Variants in TENM2 observed in about 807,000 individuals in gnomAD.
TENM2 encodes the protein teneurin transmembrane protein 2.
A neutral mutation model predicts 245.2 loss-of-function variants in TENM2; 52 were observed. The ratio of observed to expected loss-of-function variants is 0.21; its 90% confidence interval spans 0.17 to 0.27. TENM2 has a LOEUF of 0.27. TENM2 is among the 10% of genes least tolerant of loss of function. The probability of loss-of-function intolerance (pLI) is 1.00; values close to 1 mark genes in which losing one functional copy is unlikely to be tolerated. For missense variants in TENM2, 3,046 were observed against 3,666.8 expected, an observed-to-expected ratio of 0.83 and a Z score of 4.37; for synonymous variants, 1,363 against 1,438.9, an observed-to-expected ratio of 0.95 and a Z score of 1.19.
In TENM2 at chr5:168,077,297, A is replaced by G. The variant is rs779979974; in HGVS notation, c.1516-13277A>G. The stretch of plus-strand genomic sequence containing the variant: ...CTTGTAGGTATACCCCTCACTCTAG[A>G]TATTATTTCCTTTTGGCCTAAATCT... On this transcript the variant is annotated intron_variant, in intron 7 of 28. Coordinates refer to ENST00000518659, the Ensembl canonical transcript of TENM2. 3.9e-5 allele frequency among the ~76,000 whole-genome samples: 6 copies of G among 152,190 alleles called. 1 individual carries two copies. The highest frequency in any genetic ancestry group is 5.9e-5 in the Non-Finnish European group (4 of 68,016).
At chr5:167,821,996 G>A (rs951367071) in intron 2 of TENM2, among the ~76,000 whole-genome samples, 2 of 152,078 alleles carry the variant, frequency 1.3e-5, no homozygotes, top group Non-Finnish European at 1.5e-5. Flanking sequence ...GGATAAAGGC[G>A]AAACAGGGTT....
the TENM2 span, among the ~76,000 whole-genome samples, chr5:167,094,095 T>G: frequency 6.6e-6 from 1 of 152,246 alleles, no homozygotes; most frequent in African/African-American, 2.4e-5. Context: ...TTACAAAAAT[T>G]AAAATGCTGC....
At chr5:167,038,405 A>G in the TENM2 span, among the ~76,000 whole-genome samples, 31 of 152,314 alleles carry the variant, frequency 2.0e-4, no homozygotes, top group South Asian at 6.0e-3. Flanking sequence ...GATACGGAGG[A>G]CCACGACTGT....
intron 4 of TENM2, among the ~76,000 whole-genome samples, chr5:167,981,249 C>T (rs1325625504): frequency 2.6e-5 from 4 of 152,212 alleles, no homozygotes; most frequent in African/African-American, 9.6e-5. Flanking sequence ...CACTTCCTCA[C>T]ACATGGTCTT....
rs376652095 is a variant in TENM2, at chr5:167,832,351, C to T, written c.503-43635C>T. On this transcript the variant is annotated intron_variant, in intron 2 of 28. Coordinates refer to ENST00000518659, the Ensembl canonical transcript of TENM2. ...ACTACAGCAAGCGTGTGTGCACACA[C>T]GCATGCTCACAGGCCCACACGCTTG... Among the ~76,000 whole-genome samples, 18 of 152,322 alleles carry T rather than the reference C, an allele frequency of 1.2e-4. No homozygotes were observed. In the East Asian group the frequency reaches 1.5e-3, roughly 13 times the overall value.
intron 2 of TENM2, among the ~76,000 whole-genome samples, chr5:167,780,923 T>A (rs1271576844): frequency 6.6e-6 from 1 of 152,226 alleles, no homozygotes; most frequent in Non-Finnish European, 1.5e-5. Flanking sequence ...TTGTCAACAC[T>A]TTTGTTTCCA....
intron 2 of TENM2, among the ~76,000 whole-genome samples, chr5:167,474,903 A>C (rs930808189): frequency 2.6e-5 from 4 of 152,224 alleles, no homozygotes; most frequent in Non-Finnish European, 5.9e-5. Context: ...GACTGTTTTC[A>C]AATTTTGCCT....
chr5:167,584,759 A>G (rs1411754271), intron 2 of TENM2, among the ~76,000 whole-genome samples: 1 of 151,250 alleles, frequency 6.6e-6, no homozygotes, highest in African/African-American at 2.4e-5. Context: ...CAGTGGCACA[A>G]TCTCGGCTCA....
chr5:167,764,356 T>C (rs982444201), intron 2 of TENM2, among the ~76,000 whole-genome samples: 5 of 152,200 alleles, frequency 3.3e-5, no homozygotes, highest in Non-Finnish European at 5.9e-5. Flanking sequence ...TTTTCCATCA[T>C]AGTGCTTCTT....
At chr5:167,796,346 T>C (rs756340543) in intron 2 of TENM2, among the ~76,000 whole-genome samples, 29 of 152,196 alleles carry the variant, frequency 1.9e-4, no homozygotes, top group Non-Finnish European at 3.2e-4. Flanking sequence ...TCTGCAGCTT[T>C]AACTCAATCT....
intron 3 of TENM2, among the ~76,000 whole-genome samples, chr5:167,931,433 G>C (rs115481948): frequency 1.8e-4 from 28 of 151,780 alleles, no homozygotes; most frequent in African/African-American, 5.3e-4. Flanking sequence ...GACTCAAAAG[G>C]CCTGTAAATT....
At chr5:167,861,593 C>T (rs995707402) in intron 2 of TENM2, among the ~76,000 whole-genome samples, 1 of 152,148 alleles carries the variant, frequency 6.6e-6, no homozygotes, top group Non-Finnish European at 1.5e-5. Context: ...ATGGGGCAGG[C>T]TCTGGGGGCA....
At chr5:167,599,870 G>T (rs1776486134) in intron 2 of TENM2, among the ~76,000 whole-genome samples, 1 of 151,926 alleles carries the variant, frequency 6.6e-6, no homozygotes, top group Non-Finnish European at 1.5e-5. Context: ...TTCATGGCTG[G>T]GCGCGGTGGC....
intron 2 of TENM2, among the ~76,000 whole-genome samples, chr5:167,813,904 C>A (rs778909294): frequency 6.6e-6 from 1 of 152,120 alleles, no homozygotes; most frequent in Non-Finnish European, 1.5e-5. Flanking sequence ...TTTCTTATGG[C>A]TCTGGTAACA....
intron 5 of TENM2, among the ~76,000 whole-genome samples, chr5:168,042,133 G>A (rs1788244319): frequency 6.6e-6 from 1 of 152,082 alleles, no homozygotes; most frequent in Admixed American, 6.5e-5. Flanking sequence ...CTCTGAATGA[G>A]CTCTGCCATC....
chr5:167,530,984 T>C (rs1366725225), intron 2 of TENM2, among the ~76,000 whole-genome samples: 1 of 152,150 alleles, frequency 6.6e-6, no homozygotes, highest in Non-Finnish European at 1.5e-5. Context: ...AATAGAGCAA[T>C]ACACAATCCT....
At chr5:167,143,962 T>G in the TENM2 span, among the ~76,000 whole-genome samples, 2 of 152,070 alleles carry the variant, frequency 1.3e-5, no homozygotes, top group Non-Finnish European at 2.9e-5. Context: ...TGATGAGACG[T>G]CATTACATAT....
intron 19 of TENM2, among the ~76,000 whole-genome samples, chr5:168,208,626 C>A (rs980527865): frequency 6.6e-6 from 1 of 152,132 alleles, no homozygotes; most frequent in African/African-American, 2.4e-5. Flanking sequence ...AATGCTTTTC[C>A]TATGTGGTCA....
At chr5:167,692,806 T>C (rs1220869612) in intron 2 of TENM2, among the ~76,000 whole-genome samples, 1 of 152,224 alleles carries the variant, frequency 6.6e-6, no homozygotes, top group Non-Finnish European at 1.5e-5. Flanking sequence ...GCCTTTGGGC[T>C]TTCTTCTAGA....
Sources: allele counts gnomAD v4.1 joint callset (sites outside exome capture counted in the v4.1 genomes callset), GRCh38; gene constraint gnomAD v4.1.1; transcripts MANE v1.5; gene names NCBI Gene and HGNC (gene_info 2026-07-23, HGNC 2026-07-21).